Variants in IL1RAPL2 observed in about 807,000 individuals in gnomAD.
IL1RAPL2 encodes interleukin 1 receptor accessory protein like 2, also known as X-linked interleukin-1 receptor accessory protein-like 2.
IL1RAPL2 carries 3 observed loss-of-function variants against 44.1 expected under a neutral mutation model. That is an observed-to-expected ratio of 0.07 (90% confidence interval 0.03 to 0.18). The LOEUF (loss-of-function observed/expected upper bound fraction) is 0.18, where lower values mean the gene tolerates loss of function less well. Among genes scored for constraint, IL1RAPL2 ranks in the 10% least tolerant of loss-of-function variants. The pLI is 1.00. For synonymous variants in IL1RAPL2, 181 were observed against 178.8 expected (o/e 1.01, Z -0.10); for missense variants, 391 against 496.4 (o/e 0.79, Z 2.02).
chrX:104,982,128 A>AC (rs1480399006), intron 2 of IL1RAPL2, among the ~76,000 whole-genome samples: 1 of 111,050 alleles, frequency 9.0e-6, no homozygotes, highest in African/African-American at 3.3e-5. Flanking sequence ...CTGCACATGT[A>AC]CCCCATGAAC....
At chrX:105,217,788 T>C (rs2033879436) in intron 3 of IL1RAPL2, among the ~76,000 whole-genome samples, 1 of 112,111 alleles carries the variant, frequency 8.9e-6, no homozygotes, top group Non-Finnish European at 1.9e-5. Flanking sequence ...AATGAGTTCA[T>C]GTTCTTTGCA....
chrX:104,721,999 G>A (rs1270786134), intron 2 of IL1RAPL2, among the ~76,000 whole-genome samples: 1 of 111,392 alleles, frequency 9.0e-6, no homozygotes, highest in Non-Finnish European at 1.9e-5. Flanking sequence ...TTCTTGACTG[G>A]ATTTCTGGCA....
intron 5 of IL1RAPL2, among the ~76,000 whole-genome samples, chrX:105,456,245 A>AT (rs1456776362): frequency 8.9e-6 from 1 of 112,135 alleles, no homozygotes; most frequent in Non-Finnish European, 1.9e-5. Context: ...TTTTCTACAT[A>AT]TAAGACCATG....
chrX:105,204,344 C>G (rs1359591691), intron 3 of IL1RAPL2, among the ~76,000 whole-genome samples: 5 of 111,523 alleles, frequency 4.5e-5, no homozygotes, highest in African/African-American at 1.3e-4. Flanking sequence ...AATAGGTATT[C>G]TATCAAGAGG....
Position 105,229,594 on chromosome X carries a change from G to GGGT in IL1RAPL2, c.357-4221_357-4219dup, listed in dbSNP as rs1452404826. Among the ~76,000 whole-genome samples, 4 of 111,700 alleles carry GGGT rather than the reference G, an allele frequency of 3.6e-5. No homozygotes were observed. In the Admixed American group the frequency reaches 3.8e-4, roughly 11 times the overall value. ...TCCTTCAACTCATCAGCCATCTCCA[G>GGGT]GGTGGCTTCCTTGCCTTTAACACCA... On this transcript the variant is annotated intron_variant, in intron 3 of 10. Transcript: ENST00000372582.
At chrX:105,395,452 G>A (rs1164931231) in intron 5 of IL1RAPL2, among the ~76,000 whole-genome samples, 1 of 109,944 alleles carries the variant, frequency 9.1e-6, no homozygotes. Context: ...AGTATAATGA[G>A]GAAGAGATGA....
intron 5 of IL1RAPL2, among the ~76,000 whole-genome samples, chrX:105,426,292 C>T (rs372102305): frequency 2.7e-5 from 3 of 110,786 alleles, no homozygotes; most frequent in East Asian, 5.8e-4. Context: ...CCTACCACAG[C>T]AACTTCATAA....
At chrX:105,432,050 C>A (rs1382153870) in intron 5 of IL1RAPL2, among the ~76,000 whole-genome samples, 1 of 108,742 alleles carries the variant, frequency 9.2e-6, no homozygotes, top group Non-Finnish European at 1.9e-5. Flanking sequence ...AAACCAAGAA[C>A]CTTCTTGTTC....
rs199802193 is a variant in IL1RAPL2 at position 105,590,813 on chromosome X, T to TTGTG, written c.772+106458_772+106461dup. Among the ~76,000 whole-genome samples the TTGTG allele has an allele frequency of 2.2e-3, 211 of 97,200 alleles. 1 individual carries two copies. Among genetic ancestry groups the TTGTG allele is most frequent in the East Asian group, 8.2e-3 (24 of 2,941 alleles). The allele number at this position is 97,200 out of a possible 115,157, so 84.4% of individuals were successfully genotyped here. Reference sequence around the variant, plus strand: ...CTCAAGGAAACAGATTGGCCTGAATTTGTGTGTGTGTGTGTGTGTGTGTGT... The same window carrying TTGTG: ...CTCAAGGAAACAGATTGGCCTGAATTTGTGTGTGTGTGTGTGTGTGTGTGTGTGT... On this transcript the variant is annotated intron_variant, in intron 6 of 10. Coordinates refer to ENST00000372582, the MANE Select transcript of IL1RAPL2 (RefSeq NM_017416.2).
rs782726286 is a variant in IL1RAPL2 at position 105,223,621 on chromosome X, G to T, written c.357-10197G>T. Among the ~76,000 whole-genome samples, 17 of 112,048 alleles carry T rather than the reference G, an allele frequency of 1.5e-4. No individual in the cohort carries two copies. In the Admixed American group the frequency reaches 1.6e-3, roughly 11 times the overall value. On this transcript the variant is annotated intron_variant, in intron 3 of 10. Transcript: ENST00000372582. The stretch of plus-strand genomic sequence containing the variant: ...TTTAGCAGCCTGGAGGAGGGAGAAA[G>T]TGAAGACAGAGAAACCTGTTAAGAG...
At chrX:105,139,956 G>A (rs1240920059) in intron 2 of IL1RAPL2, among the ~76,000 whole-genome samples, 2 of 111,922 alleles carry the variant, frequency 1.8e-5, no homozygotes, top group African/African-American at 6.5e-5. Flanking sequence ...TAACACAGTG[G>A]GAGAGGAGGA....
chrX:105,252,683 A>G (rs756098860), intron 4 of IL1RAPL2, among the ~76,000 whole-genome samples: 1 of 111,757 alleles, frequency 8.9e-6, no homozygotes, highest in East Asian at 2.8e-4. Flanking sequence ...ATAGGATGCT[A>G]CTTCTTAGTG....
At chrX:105,055,426 T>C (rs1248823918) in intron 2 of IL1RAPL2, among the ~76,000 whole-genome samples, 1 of 112,075 alleles carries the variant, frequency 8.9e-6, no homozygotes, top group Admixed American at 9.5e-5. Context: ...ATGTCTGATA[T>C]AACACAGCTG....
At position 105,550,551 on chromosome X, in the gene IL1RAPL2, C is replaced by T. The variant is rs190943713; in HGVS notation, c.772+66164C>T. ...TCCCTGTCCCTTACCCTGAAGTCATCAGTGTGTTCTCTTTCTTTTTGTTGC... is the reference window on the plus strand; with the variant it reads ...TCCCTGTCCCTTACCCTGAAGTCATTAGTGTGTTCTCTTTCTTTTTGTTGC... On this transcript the variant is annotated intron_variant, in intron 6 of 10. Transcript: ENST00000372582. Among the ~76,000 whole-genome samples the T allele has an allele frequency of 2.5e-3, 280 of 111,938 alleles. 2 individuals carry two copies. Among genetic ancestry groups the T allele is most frequent in the South Asian group, 6.3e-3 (17 of 2,681 alleles).
At chrX:105,216,440 G>C (rs1289010504) in intron 3 of IL1RAPL2, among the ~76,000 whole-genome samples, 2 of 110,874 alleles carry the variant, frequency 1.8e-5, no homozygotes, top group African/African-American at 6.6e-5. Flanking sequence ...CACTGCTCAA[G>C]AGAATAAGAG....
chrX:104,626,900 C>A (rs1044132821), intron 1 of IL1RAPL2, among the ~76,000 whole-genome samples: 20 of 107,155 alleles, frequency 1.9e-4, no homozygotes, highest in Admixed American at 1.3e-3. Flanking sequence ...AGTTCTGTAG[C>A]CTCTGCCTCC....
chrX:105,241,384 T>C (rs1302816481), intron 4 of IL1RAPL2, among the ~76,000 whole-genome samples: 2 of 111,930 alleles, frequency 1.8e-5, no homozygotes, highest in Non-Finnish European at 3.8e-5. Context: ...TTCCAAACAA[T>C]CTGTCTCTTG....
At chrX:104,963,325 A>G (rs1053070673) in intron 2 of IL1RAPL2, among the ~76,000 whole-genome samples, 9 of 112,190 alleles carry the variant, frequency 8.0e-5, no homozygotes, top group African/African-American at 2.9e-4. Flanking sequence ...TGATCTTCCA[A>G]CCAAGGAGGT....
In IL1RAPL2 at chrX:105,262,083, G is replaced by A. The variant is rs189710912; in HGVS notation, c.544-5305G>A. ...AAGAGTTCATACCAGTTGCTGGCTC[G>A]TGCAGCTGCTTCTGCTCCCAGTGAG... is the stretch of plus-strand genomic sequence containing the variant. On this transcript the variant is annotated intron_variant, in intron 4 of 10. Coordinates refer to ENST00000372582, the MANE Select transcript of IL1RAPL2 (RefSeq NM_017416.2). Among the ~76,000 whole-genome samples the A allele has an allele frequency of 2.0e-3, 221 of 112,077 alleles. 2 individuals carry two copies. Among genetic ancestry groups the A allele is most frequent in the African/African-American group, 6.9e-3 (212 of 30,895 alleles).
Sources: gnomAD v4.1 joint callset for allele counts (sites outside exome capture counted in the v4.1 genomes callset) on GRCh38, gnomAD v4.1.1 for gene constraint, MANE v1.5 for transcripts, NCBI Gene and HGNC (gene_info 2026-07-23, HGNC 2026-07-21) for gene names.